NRXN3: variants seen among roughly 807,000 people sequenced by gnomAD.
NRXN3 encodes neurexin III.
In NRXN3, 32 loss-of-function variants were observed where a neutral mutation model predicts 137.6. That is an observed-to-expected ratio of 0.23 (90% CI 0.18 to 0.31). The LOEUF is 0.31. Among genes scored for constraint, NRXN3 ranks in the 10% least tolerant of loss-of-function variants. The probability of loss-of-function intolerance (pLI) is 1.00; values close to 1 mark genes in which losing one functional copy is unlikely to be tolerated. For missense variants in NRXN3, 1,574 were observed against 2,062.5 expected (o/e 0.76, Z 4.59); for synonymous variants, 798 against 784.5 (o/e 1.02, Z -0.29).
chr14:78,759,150 G>A (rs1248512928), intron 8 of NRXN3, among the ~76,000 whole-genome samples: 1 of 152,144 alleles, frequency 6.6e-6, no homozygotes, highest in Non-Finnish European at 1.5e-5. Context: ...AAGGGTTGCT[G>A]CCCACAAGAG....
chr14:78,412,623 A>C (rs970855687), intron 4 of NRXN3, among the ~76,000 whole-genome samples: 2 of 152,186 alleles, frequency 1.3e-5, no homozygotes, highest in African/African-American at 4.8e-5. Context: ...TAACTTACCC[A>C]AGGTCACCCA....
intron 15 of NRXN3, among the ~76,000 whole-genome samples, chr14:79,391,587 T>C (rs1399737896): frequency 6.6e-6 from 1 of 152,198 alleles, no homozygotes; most frequent in Non-Finnish European, 1.5e-5. Context: ...TCAAGGGATG[T>C]CATAAATATC....
At chr14:78,636,836 A>ATTTTTTTTT (rs1555410754) in intron 4 of NRXN3, among the ~76,000 whole-genome samples, 11 of 151,892 alleles carry the variant, frequency 7.2e-5, no homozygotes, top group African/African-American at 2.7e-4. Flanking sequence ...TTTATTTTTT[A>ATTTTTTTTT]TTTTTTTAGC....
intron 15 of NRXN3, among the ~76,000 whole-genome samples, chr14:79,083,674 G>A (rs1662945320): frequency 6.6e-6 from 1 of 152,186 alleles, no homozygotes; most frequent in Admixed American, 6.5e-5. Flanking sequence ...GCTGTTGATA[G>A]ATGTTTCTTC....
intron 20 of NRXN3, among the ~76,000 whole-genome samples, chr14:79,844,981 T>A (rs556510066): frequency 6.6e-6 from 1 of 152,342 alleles, no homozygotes; most frequent in South Asian, 2.1e-4. Context: ...ATTTTCTGGA[T>A]AACCTGCTGC....
At chr14:79,420,554 T>A (rs1181856722) in intron 15 of NRXN3, among the ~76,000 whole-genome samples, 1 of 152,080 alleles carries the variant, frequency 6.6e-6, no homozygotes, top group African/African-American at 2.4e-5. Context: ...TACACCATGG[T>A]TGCTAGTAAG....
intron 4 of NRXN3, among the ~76,000 whole-genome samples, chr14:78,459,785 C>T (rs1308633693): frequency 6.6e-6 from 1 of 152,192 alleles, no homozygotes; most frequent in East Asian, 1.9e-4. Context: ...CCCTGGCCGT[C>T]AAAATGTGTG....
chr14:79,268,159 T>C (rs1200540624), intron 15 of NRXN3, among the ~76,000 whole-genome samples: 1 of 152,168 alleles, frequency 6.6e-6, no homozygotes, highest in Non-Finnish European at 1.5e-5. Flanking sequence ...GGAACATACA[T>C]TTTAGTGGGT....
intron 1 of NRXN3, among the ~76,000 whole-genome samples, chr14:78,210,112 G>A (rs2062597136): frequency 1.3e-5 from 2 of 152,188 alleles, no homozygotes; most frequent in East Asian, 3.9e-4. Flanking sequence ...AGTCCGTTCA[G>A]GCTGCTATAG....
chr14:78,391,158 C>T (rs188474517), intron 4 of NRXN3, among the ~76,000 whole-genome samples: 70 of 152,194 alleles, frequency 4.6e-4, no homozygotes, highest in African/African-American at 1.6e-3. Flanking sequence ...CATATGTACC[C>T]CTGTTCTGAT....
At chr14:78,423,522 A>G (rs150529228) in intron 4 of NRXN3, among the ~76,000 whole-genome samples, 154 of 152,272 alleles carry the variant, frequency 1.0e-3, no homozygotes, top group Non-Finnish European at 2.0e-3. Flanking sequence ...AATTTGTGAT[A>G]ATCTGGTCCT....
chr14:79,614,933 C>T (rs1016361990), intron 16 of NRXN3, among the ~76,000 whole-genome samples: 3 of 152,150 alleles, frequency 2.0e-5, no homozygotes, highest in African/African-American at 7.2e-5. Context: ...ATAACAACAA[C>T]AGCAAGTGGT....
At chr14:78,304,995 A>C (rs575522307) in intron 4 of NRXN3, among the ~76,000 whole-genome samples, 1 of 152,238 alleles carries the variant, frequency 6.6e-6, no homozygotes, top group Admixed American at 6.5e-5. Context: ...ATGAGTCATA[A>C]GTTTTTGACC....
rs376031634 is a variant in NRXN3 at position 79,085,404 on chromosome 14, T to C, written c.3262+97263T>C. ...ATCACTATTAAAGCTATTTGAATTATATTATAATTTTCTGGTGATGTCATA... is the reference window on the plus strand; with the variant it reads ...ATCACTATTAAAGCTATTTGAATTACATTATAATTTTCTGGTGATGTCATA... On this transcript the variant is annotated intron_variant, in intron 15 of 20. Transcript: ENST00000335750. Among the ~76,000 whole-genome samples the C allele has an allele frequency of 7.9e-5, 12 of 151,330 alleles. No individual in the cohort carries two copies. The East Asian group carries it at 1.5e-3, about 19-fold the overall frequency.
intron 4 of NRXN3, among the ~76,000 whole-genome samples, chr14:78,551,553 C>A (rs1179206020): frequency 6.6e-6 from 1 of 150,730 alleles, no homozygotes; most frequent in Non-Finnish European, 1.5e-5. Flanking sequence ...TTAATCTCAC[C>A]TCCTCTCCCT....
chr14:79,222,851 T>C (rs2070052981), intron 15 of NRXN3, among the ~76,000 whole-genome samples: 1 of 152,176 alleles, frequency 6.6e-6, no homozygotes, highest in African/African-American at 2.4e-5. Context: ...TTCAGATCTT[T>C]GGCCATTTTT....
chr14:78,193,882 C>T (rs1430131718), intron 1 of NRXN3, among the ~76,000 whole-genome samples: 2 of 152,114 alleles, frequency 1.3e-5, no homozygotes, highest in Admixed American at 6.5e-5. Context: ...CCCATCAATG[C>T]ATGGTGGCTT....
intron 4 of NRXN3, among the ~76,000 whole-genome samples, chr14:78,396,309 CT>C (rs1321404580): frequency 6.6e-6 from 1 of 152,020 alleles, no homozygotes; most frequent in Non-Finnish European, 1.5e-5. Context: ...AATATTTTGC[CT>C]ACATGTAGTT....
chr14:78,604,324 A>G (rs996338316), intron 4 of NRXN3, among the ~76,000 whole-genome samples: 2 of 151,292 alleles, frequency 1.3e-5, no homozygotes, highest in African/African-American at 4.9e-5. Flanking sequence ...TTTGATTTAC[A>G]AGTATCGTTT....
Sources: gnomAD v4.1 joint callset for allele counts (sites outside exome capture counted in the v4.1 genomes callset) on GRCh38, gnomAD v4.1.1 for gene constraint, MANE v1.5 for transcripts, NCBI Gene and HGNC (gene_info 2026-07-23, HGNC 2026-07-21) for gene names.